The following SLC24A2 variants were observed in gnomAD, a reference collection of about 807,000 sequenced individuals.
SLC24A2 encodes sodium/potassium/calcium exchanger 2.
A neutral mutation model predicts 62.0 loss-of-function variants in SLC24A2; 36 were observed. The observed-to-expected ratio is 0.58, with a 90% CI of 0.44 to 0.77. The LOEUF is 0.77. Among genes scored for constraint, SLC24A2 ranks in the 30% least tolerant of loss-of-function variants. SLC24A2 has a pLI of 0.00. For synonymous variants in SLC24A2, 358 were observed against 294.0 expected (o/e 1.22, Z -2.23); for missense variants, 846 against 817.9 (o/e 1.03, Z -0.42).
At chr9:20,061,904 G>A in the SLC24A2 span, among the ~76,000 whole-genome samples, 1 of 152,098 alleles carries the variant, frequency 6.6e-6, no homozygotes, top group Non-Finnish European at 1.5e-5. Context: ...AACCCACGGA[G>A]TGGATGAAAA....
At chr9:20,274,362 C>T in the SLC24A2 span, among the ~76,000 whole-genome samples, 5 of 152,034 alleles carry the variant, frequency 3.3e-5, no homozygotes, top group African/African-American at 1.2e-4. Flanking sequence ...CATTTTAGCT[C>T]GCATGAAGGA....
intron 2 of SLC24A2, among the ~76,000 whole-genome samples, chr9:19,771,879 T>C (rs541182180): frequency 1.2e-4 from 18 of 152,250 alleles, no homozygotes; most frequent in Non-Finnish European, 1.9e-4. Context: ...TGGATGCAAA[T>C]GTTCCTAGGG....
At chr9:19,542,660 T>C (rs766186883) in intron 8 of SLC24A2, among the ~76,000 whole-genome samples, 10 of 152,228 alleles carry the variant, frequency 6.6e-5, no homozygotes, top group African/African-American at 1.9e-4. Context: ...GTTGAATTTT[T>C]GTTGAAGGAC....
intron 7 of SLC24A2, among the ~76,000 whole-genome samples, chr9:19,563,065 C>T (rs1835482538): frequency 6.6e-6 from 1 of 152,142 alleles, no homozygotes; most frequent in Non-Finnish European, 1.5e-5. Flanking sequence ...ATGACTGCAC[C>T]ACTGTACTCC....
the SLC24A2 span, among the ~76,000 whole-genome samples, chr9:19,968,453 G>T: frequency 1.3e-5 from 2 of 152,194 alleles, no homozygotes; most frequent in Non-Finnish European, 2.9e-5. Flanking sequence ...TTTTATAGAT[G>T]AGGAAATTGG....
chr9:20,137,981 G>C, the SLC24A2 span, among the ~76,000 whole-genome samples: 2 of 152,184 alleles, frequency 1.3e-5, no homozygotes, highest in Non-Finnish European at 2.9e-5. Flanking sequence ...GGGAAACTGA[G>C]ACAAAGAAGC....
the SLC24A2 span, among the ~76,000 whole-genome samples, chr9:19,953,969 TA>T: frequency 0.019 from 2,665 of 143,764 alleles, 48 homozygotes; most frequent in African/African-American, 0.046. Flanking sequence ...TACTTTTTCC[TA>T]AAAAAAAAAA....
chr9:20,174,817 A>C, the SLC24A2 span, among the ~76,000 whole-genome samples: 3 of 152,018 alleles, frequency 2.0e-5, no homozygotes, highest in Admixed American at 6.6e-5. Flanking sequence ...CTAAAGGTAG[A>C]ACTACTATTT....
chr9:19,707,951 G>A (rs1343295332), intron 2 of SLC24A2, among the ~76,000 whole-genome samples: 3 of 152,170 alleles, frequency 2.0e-5, no homozygotes, highest in East Asian at 1.9e-4. Flanking sequence ...ATTAGGAAAA[G>A]AGGAAGTCAA....
the SLC24A2 span, among the ~76,000 whole-genome samples, chr9:20,276,863 T>C: frequency 1.3e-5 from 2 of 152,216 alleles, no homozygotes; most frequent in African/African-American, 2.4e-5. Flanking sequence ...CTGAGCTGTA[T>C]GTTGGCCCCT....
the SLC24A2 span, among the ~76,000 whole-genome samples, chr9:19,847,569 T>C: frequency 2.6e-5 from 4 of 152,192 alleles, no homozygotes; most frequent in African/African-American, 9.7e-5. Flanking sequence ...CAATTACTTA[T>C]GGAAAGTAGG....
the SLC24A2 span, chr9:19,929,510 T>C: frequency 1.3e-5 from 2 of 152,208 alleles, no homozygotes; most frequent in African/African-American, 4.8e-5. Flanking sequence ...GCCATCAGCA[T>C]GTGGTAGAGC....
chr9:19,748,080 G>GT (rs1466888216), intron 2 of SLC24A2, among the ~76,000 whole-genome samples: 1 of 152,096 alleles, frequency 6.6e-6, no homozygotes, highest in Non-Finnish European at 1.5e-5. Context: ...TGCAAAATTC[G>GT]TAAGTTCACT....
At chr9:19,635,999 C>T (rs1028068522) in intron 2 of SLC24A2, among the ~76,000 whole-genome samples, 1 of 152,206 alleles carries the variant, frequency 6.6e-6, no homozygotes, top group African/African-American at 2.4e-5. Context: ...TTGGTGTTTA[C>T]ACTTTCGTCC....
chr9:19,656,566 CT>C (rs1347044651), intron 2 of SLC24A2, among the ~76,000 whole-genome samples: 1 of 152,178 alleles, frequency 6.6e-6, no homozygotes, highest in African/African-American at 2.4e-5. Context: ...TCTTTAGTCT[CT>C]TTTCCAGATT....
At chr9:19,954,607 G>T in the SLC24A2 span, among the ~76,000 whole-genome samples, 2 of 151,682 alleles carry the variant, frequency 1.3e-5, no homozygotes, top group African/African-American at 4.8e-5. Context: ...TTTAAATCTA[G>T]AGAGTCCATA....
chr9:19,668,402 C>A (rs531330878), intron 2 of SLC24A2, among the ~76,000 whole-genome samples: 1 of 152,302 alleles, frequency 6.6e-6, no homozygotes, highest in East Asian at 1.9e-4. Context: ...GCTGCCTTCA[C>A]AGAATATAAG....
At chr9:19,648,661 T>A (rs1018898637) in intron 2 of SLC24A2, among the ~76,000 whole-genome samples, 5 of 152,218 alleles carry the variant, frequency 3.3e-5, no homozygotes, top group African/African-American at 1.2e-4. Context: ...TTAATTCTAC[T>A]GGGCAGGAGG....
the SLC24A2 span, among the ~76,000 whole-genome samples, chr9:20,058,623 T>C: frequency 8.5e-5 from 13 of 152,194 alleles, no homozygotes; most frequent in South Asian, 8.3e-4. Context: ...ACAACAAATA[T>C]ATCAAATACA....
Sources: allele counts gnomAD v4.1 joint callset (sites outside exome capture counted in the v4.1 genomes callset), GRCh38; gene constraint gnomAD v4.1.1; transcripts MANE v1.5; gene names NCBI Gene and HGNC (gene_info 2026-07-23, HGNC 2026-07-21).